Variants in SLC35F4 observed in about 807,000 individuals in gnomAD.
SLC35F4 encodes the protein chromosome 14 open reading frame 36.
Under a neutral mutation model 44.2 loss-of-function variants are expected in SLC35F4, and 24 were observed. That is an observed-to-expected ratio of 0.54 (90% CI 0.39 to 0.76). The LOEUF (loss-of-function observed/expected upper bound fraction) is 0.76, where lower values mean the gene tolerates loss of function less well. Ranked by LOEUF, SLC35F4 falls within the 30% of genes least tolerant of loss-of-function variation. The pLI is 0.00. For missense variants in SLC35F4, 562 were observed against 586.1 expected, an observed-to-expected ratio of 0.96 and a Z score of 0.42; for synonymous variants, 238 against 223.6, an observed-to-expected ratio of 1.06 and a Z score of -0.57.
chr14:57,847,529 A>G (rs1334492246), intron 1 of SLC35F4, among the ~76,000 whole-genome samples: 3 of 152,228 alleles, frequency 2.0e-5, no homozygotes, highest in Non-Finnish European at 2.9e-5. Flanking sequence ...TCAGTGTTTC[A>G]TTATAAACAA....
In SLC35F4 at chr14:57,662,344, T is replaced by C. The variant is rs574238004; in HGVS notation, c.104-68220A>G. ...ATATAGTTGGTCCCAGCAAAACTTATATTGAGGTTTGGTCACAGTATGGCA... is the reference window on the plus strand; with the variant it reads ...ATATAGTTGGTCCCAGCAAAACTTACATTGAGGTTTGGTCACAGTATGGCA... On this transcript the variant is annotated intron_variant, in intron 1 of 7. Transcript: ENST00000556826. Among the ~76,000 whole-genome samples, 4 of 152,302 alleles carry C rather than the reference T, an allele frequency of 2.6e-5. No homozygotes were observed. The East Asian group carries it at 7.7e-4, about 29-fold the overall frequency.
At chr14:57,716,632 G>A (rs940696770) in intron 1 of SLC35F4, among the ~76,000 whole-genome samples, 1 of 152,134 alleles carries the variant, frequency 6.6e-6, no homozygotes, top group Non-Finnish European at 1.5e-5. Context: ...TTGTACATAT[G>A]TATGGAGTAC....
At chr14:57,756,821 A>AT (rs201046603) in intron 1 of SLC35F4, among the ~76,000 whole-genome samples, 27,910 of 146,074 alleles carry the variant, frequency 0.19, 2,852 homozygotes, top group South Asian at 0.29. Flanking sequence ...AATCTGCCTA[A>AT]TTTTTTTTTT....
chr14:57,776,259 G>T (rs2077484667), intron 1 of SLC35F4, among the ~76,000 whole-genome samples: 1 of 152,052 alleles, frequency 6.6e-6, no homozygotes, highest in African/African-American at 2.4e-5. Flanking sequence ...CTCCAACCTA[G>T]CTAGAGAGGA....
At chr14:57,803,585 T>C (rs111512040) in intron 1 of SLC35F4, among the ~76,000 whole-genome samples, 11 of 117,938 alleles carry the variant, frequency 9.3e-5, no homozygotes, top group African/African-American at 3.6e-4. Flanking sequence ...GCTTCTTCTT[T>C]TTTTTTTTTT....
In SLC35F4 at chr14:57,930,708, T is replaced by C. The variant is rs968616517; in HGVS notation, n.282+51205A>G. Among the ~76,000 whole-genome samples the C allele has an allele frequency of 1.2e-4, 18 of 152,198 alleles. 1 individual carries two copies. The highest frequency in any genetic ancestry group is 1.5e-5 in the Non-Finnish European group (1 of 68,032). ...TGTTGCCTCTCTCAGGGCATGTGTA[T>C]ATTAATAGACTGCAGGTGCATCATC... is the stretch of plus-strand genomic sequence containing the variant. On this transcript the variant is annotated intron_variant and non_coding_transcript_variant, in intron 1 of 1. Transcript: ENST00000556568.
rs531534868 is a variant in SLC35F4, at chr14:57,860,139, G to A, written c.103+5584C>T. ...TGGGGAATGCTAAGTCATAGCAGCC[G>A]TCCAAGCACCCAGAGAGCCAAGAGA... On this transcript the variant is annotated intron_variant, in intron 1 of 7. Coordinates refer to ENST00000556826, the MANE Select transcript of SLC35F4 (RefSeq NM_001306087.2). Among the ~76,000 whole-genome samples the A allele has an allele frequency of 9.2e-5, 14 of 152,264 alleles. No individual in the cohort carries two copies. The East Asian group carries it at 1.4e-3, about 15-fold the overall frequency.
At chr14:57,912,969 G>C (rs72624749) in intron 1 of SLC35F4, among the ~76,000 whole-genome samples, 1 of 151,952 alleles carries the variant, frequency 6.6e-6, no homozygotes, top group Non-Finnish European at 1.5e-5. Flanking sequence ...TACACAATAA[G>C]GATTGTTATG....
At chr14:57,580,510 C>T (rs1229022077) in intron 4 of SLC35F4, 3 of 393,444 alleles carry the variant, frequency 7.6e-6, no homozygotes, top group African/African-American at 2.1e-5. Flanking sequence ...TGAGATCTGG[C>T]TCCTTAAATC....
chr14:57,591,406 T>C (rs1179255527), intron 2 of SLC35F4, among the ~76,000 whole-genome samples: 4 of 152,216 alleles, frequency 2.6e-5, no homozygotes, highest in Admixed American at 6.5e-5. Context: ...AGTCTCTTGA[T>C]AACAGGTCTG....
intron 1 of SLC35F4, among the ~76,000 whole-genome samples, chr14:57,649,229 G>A (rs1298518799): frequency 1.3e-5 from 2 of 152,166 alleles, no homozygotes; most frequent in Non-Finnish European, 2.9e-5. Context: ...TCTTGCGGCT[G>A]TAACAAATTA....
chr14:57,634,621 C>G (rs1412474633), intron 1 of SLC35F4, among the ~76,000 whole-genome samples: 1 of 152,142 alleles, frequency 6.6e-6, no homozygotes, highest in Admixed American at 6.6e-5. Context: ...CCTGTAAAGG[C>G]AGGCAGGGGC....
chr14:57,949,830 GT>G lies in SLC35F4; in HGVS notation n.282+32082del, dbSNP rs555661600. ...AAAATTCTAGGCTGACAATTATTTT[GT>G]TTAAGGAGGCTACAAATAGGACTCC... On this transcript the variant is annotated intron_variant and non_coding_transcript_variant, in intron 1 of 1. Transcript: ENST00000556568. 7.4e-4 allele frequency among the ~76,000 whole-genome samples: 113 copies of G among 152,230 alleles called. 1 individual carries two copies. The highest frequency in any genetic ancestry group is 2.5e-3 in the African/African-American group (104 of 41,554).
chr14:57,673,533 C>G lies in SLC35F4; in HGVS notation c.104-79409G>C, dbSNP rs531456154. Among the ~76,000 whole-genome samples, 3 of 152,194 alleles carry G rather than the reference C, an allele frequency of 2.0e-5. No homozygotes were observed. The East Asian group carries it at 5.8e-4, about 29-fold the overall frequency. ...GGAGAAATATTTATTCACCAGCACT[C>G]CAGAAAATTTGAAGAAGATAGAAAC... On this transcript the variant is annotated intron_variant, in intron 1 of 7. Transcript: ENST00000556826.
intron 1 of SLC35F4, among the ~76,000 whole-genome samples, chr14:57,913,388 A>G (rs2747114): frequency 0.58 from 87,771 of 151,820 alleles, 27,085 homozygotes; most frequent in African/African-American, 0.8. Flanking sequence ...GGTTTCAATT[A>G]AGCATTTTAT....
intron 1 of SLC35F4, among the ~76,000 whole-genome samples, chr14:57,722,049 A>C (rs985273214): frequency 2.0e-5 from 3 of 152,210 alleles, no homozygotes; most frequent in Non-Finnish European, 2.9e-5. Flanking sequence ...GAGGTACACT[A>C]CACTCAAAAA....
chr14:57,600,702 A>AC (rs1482302358), intron 1 of SLC35F4, among the ~76,000 whole-genome samples: 1 of 141,934 alleles, frequency 7.0e-6, no homozygotes, highest in Non-Finnish European at 1.5e-5. Flanking sequence ...AAAAAAAAAA[A>AC]AAAAAAAAAA....
At chr14:57,675,278 A>G (rs2074654652) in intron 1 of SLC35F4, among the ~76,000 whole-genome samples, 1 of 152,052 alleles carries the variant, frequency 6.6e-6, no homozygotes, top group East Asian at 1.9e-4. Flanking sequence ...AGACTAAACA[A>G]ATATTGAACT....
rs1594904621 is a variant in SLC35F4 at position 57,575,591 on chromosome 14, C to G, written c.808-3572G>C. Among the ~76,000 whole-genome samples, 4 of 152,214 alleles carry G rather than the reference C, an allele frequency of 2.6e-5. No individual in the cohort carries two copies. The South Asian group carries it at 8.3e-4, about 32-fold the overall frequency. On this transcript the variant is annotated intron_variant, in intron 4 of 7. Transcript: ENST00000556826. ...AGTGACCATAAAACTGCCAATGCCT[C>G]CATTTAAAATGTTTAAACCTCTCTG...
Sources: gnomAD v4.1 joint callset for allele counts (sites outside exome capture counted in the v4.1 genomes callset) on GRCh38, gnomAD v4.1.1 for gene constraint, MANE v1.5 for transcripts, NCBI Gene and HGNC (gene_info 2026-07-23, HGNC 2026-07-21) for gene names.